RESF1: variants seen among roughly 807,000 people sequenced by gnomAD.
The protein encoded by RESF1 is retroelement silencing factor 1.
A neutral mutation model predicts 134.7 loss-of-function variants in RESF1; 65 were observed. The observed-to-expected ratio is 0.48, with a 90% CI of 0.40 to 0.59. RESF1 has a LOEUF of 0.59. Among genes scored for constraint, RESF1 ranks in the 20% least tolerant of loss-of-function variants. The probability of loss-of-function intolerance (pLI) is 0.00; values close to 1 mark genes in which losing one functional copy is unlikely to be tolerated. For missense variants in RESF1, 2,274 were observed against 2,002.7 expected (o/e 1.14, Z -2.59); for synonymous variants, 762 against 702.2 (o/e 1.09, Z -1.35).
Position 31,969,709 on chromosome 12 carries a change from G to A in RESF1, c.-246-480G>A, listed in dbSNP as rs566069093. On this transcript the variant is annotated intron_variant, in intron 2 of 5. Coordinates refer to ENST00000312561, the MANE Select transcript of RESF1 (RefSeq NM_018169.4). Reference sequence around the variant, plus strand: ...TCTGGAGTGCAGTGGCATGATTCCCGCTCACCACTGCCTCAACCCCCTGGG... The same window carrying A: ...TCTGGAGTGCAGTGGCATGATTCCCACTCACCACTGCCTCAACCCCCTGGG... Among the ~76,000 whole-genome samples, 10 of 152,144 alleles carry A rather than the reference G, an allele frequency of 6.6e-5. No individual in the cohort carries two copies. In the East Asian group the frequency reaches 1.5e-3, roughly 24 times the overall value.
chr12:31,972,324 C>A (rs1392059720), intron 3 of RESF1, among the ~76,000 whole-genome samples: 1 of 151,402 alleles, frequency 6.6e-6, no homozygotes, highest in Non-Finnish European at 1.5e-5. Context: ...GGGGCAGTCT[C>A]GGCTGGGCGC....
chr12:31,977,136 T>C (rs914565790), intron 3 of RESF1, among the ~76,000 whole-genome samples: 3 of 152,198 alleles, frequency 2.0e-5, no homozygotes, highest in Non-Finnish European at 4.4e-5. Context: ...TATTGTTCAT[T>C]GTGCCCTGTT....
chr12:31,975,146 C>T (rs770950495), intron 3 of RESF1, among the ~76,000 whole-genome samples: 112 of 151,976 alleles, frequency 7.4e-4, no homozygotes, highest in Admixed American at 1.2e-3. Context: ...TGGTGGCGCG[C>T]GCCTGTAGTC....
chr12:31,984,042 C>A lies in RESF1; in HGVS notation c.3087C>A (p.Ser1029Arg). Residue 1029 changes from serine to arginine, a missense_variant, in exon 4 of 6, where the codon AGC becomes AGA. Transcript: ENST00000312561. The stretch of plus-strand genomic sequence containing the variant: ...ACCCTCAGGAAATAGATGCATCCAG[C>A]AACTATACTCCCCAAGATCCTGCAA... ...DIYPQEIDAS[S>R]NYTPQDPARN... The A allele has an allele frequency of 6.2e-7, 1 of 1,614,084 alleles. No homozygotes were observed. The highest frequency in any genetic ancestry group is 8.5e-7 in the Non-Finnish European group (1 of 1,180,004).
At position 31,985,709 on chromosome 12, in the gene RESF1, T is replaced by C. The variant is rs1356742157; in HGVS notation, c.4754T>C (p.Val1585Ala). The C allele has an allele frequency of 1.9e-6, 3 of 1,606,416 alleles. No homozygotes were observed. Among genetic ancestry groups the C allele is most frequent in the South Asian group, 1.1e-5 (1 of 89,078 alleles). Residue 1585 changes from valine to alanine, a missense_variant, in exon 4 of 6, where the codon GTT (valine) becomes GCT (alanine). Transcript: ENST00000312561. ...KDQKKLYLNR[V>A]GFKCTERESI... is the part of the protein sequence containing the mutation. Reference sequence around the variant, plus strand: ...CAAAAGAAATTATATCTGAATAGAGTTGGGTTTAAATGCACTGAACGTGAA... The same window carrying C: ...CAAAAGAAATTATATCTGAATAGAGCTGGGTTTAAATGCACTGAACGTGAA...
At position 31,982,022 on chromosome 12, in the gene RESF1, C is replaced by A; in HGVS notation, c.1067C>A (p.Ser356Tyr). Reference protein sequence around the residue: ...SKQPFNSPIRSSVDGVQTLAQ... With the variant: ...SKQPFNSPIRYSVDGVQTLAQ... ...CAGCCTTTTAACAGTCCCATTAGAT[C>A]TTCTGTGGATGGTGTTCAGACTCTT... The change falls in exon 4 of 6, where the codon TCT becomes TAT. Residue 356 changes from serine to tyrosine, a missense_variant. Transcript: ENST00000312561. The A allele has an allele frequency of 6.2e-7, 1 of 1,613,972 alleles. No homozygotes were observed. Among genetic ancestry groups the A allele is most frequent in the South Asian group, 1.1e-5 (1 of 91,068 alleles).
At chr12:31,987,439 T>TC (rs1555112742) in intron 5 of RESF1, 117 bp downstream of exon 5, 1 of 602,998 alleles carries the variant, frequency 1.7e-6, no homozygotes, top group Non-Finnish European at 2.9e-6. Flanking sequence ...TTTTTTTTTT[T>TC]CAGTCATTCA....
intron 3 of RESF1, among the ~76,000 whole-genome samples, chr12:31,978,921 A>ATTTT (rs368667477): frequency 7.7e-6 from 1 of 129,074 alleles, no homozygotes. Context: ...TGATCTCATG[A>ATTTT]TTTTTTTTTT....
chr12:31,966,031 T>C (rs1939391437), intron 2 of RESF1, among the ~76,000 whole-genome samples: 1 of 152,210 alleles, frequency 6.6e-6, no homozygotes, highest in Non-Finnish European at 1.5e-5. Flanking sequence ...TTTTCAGATA[T>C]TTAAGATCAC....
At chr12:31,979,102 A>C (rs1017440579) in intron 3 of RESF1, among the ~76,000 whole-genome samples, 1 of 150,830 alleles carries the variant, frequency 6.6e-6, no homozygotes, top group South Asian at 2.1e-4. Flanking sequence ...TTGTATTTTT[A>C]GTAGAGACGG....
chr12:31,984,101 T>C lies in RESF1; in HGVS notation c.3146T>C (p.Leu1049Ser). Reference sequence around the variant, plus strand: ...ATCCACAGTGATAAGGCACCTGTCTTATACCTACATGACCAGCTGTCAGAA... The same window carrying C: ...ATCCACAGTGATAAGGCACCTGTCTCATACCTACATGACCAGCTGTCAGAA... ...NEIHSDKAPVLYLHDQLSELL... is the reference protein window; with the variant it reads ...NEIHSDKAPVSYLHDQLSELL... The change falls in exon 4 of 6, where the codon TTA becomes TCA. Residue 1049 changes from leucine to serine, a missense_variant. By Grantham distance (145) the Leu-to-Ser change is moderately radical. Transcript: ENST00000312561. The C allele has an allele frequency of 2.5e-6, 4 of 1,613,906 alleles. No individual in the cohort carries two copies. Among genetic ancestry groups the C allele is most frequent in the Non-Finnish European group, 3.4e-6 (4 of 1,179,974 alleles).
Position 31,981,467 on chromosome 12 carries a change from C to A in RESF1, c.512C>A (p.Ser171Tyr), listed in dbSNP as rs146432189. 17 of 1,614,130 alleles carry A rather than the reference C, an allele frequency of 1.1e-5. No individual in the cohort carries two copies. Among genetic ancestry groups the A allele is most frequent in the Admixed American group, 1.7e-5 (1 of 60,020 alleles). Reference sequence around the variant, plus strand: ...TCTATGCAAATGCAGATGATCCCTTCTAATTCTACACGACTTCCTGTAGCT... The same window carrying A: ...TCTATGCAAATGCAGATGATCCCTTATAATTCTACACGACTTCCTGTAGCT... ...TYSMQMQMIP[S>Y]NSTRLPVAYQ... The change falls in exon 4 of 6, where the codon TCT (serine) becomes TAT (tyrosine). Residue 171 changes from serine to tyrosine, a missense_variant. By Grantham distance (144) the Ser-to-Tyr change is moderately radical. Coordinates refer to ENST00000312561, the MANE Select transcript of RESF1 (RefSeq NM_018169.4).
chr12:31,962,810 G>A (rs1939307881), intron 2 of RESF1, among the ~76,000 whole-genome samples: 2 of 152,188 alleles, frequency 1.3e-5, no homozygotes, highest in Non-Finnish European at 2.9e-5. Flanking sequence ...AAAGTTCATG[G>A]ATCAGGGTCG....
chr12:31,982,614 A>G lies in RESF1; in HGVS notation c.1659A>G (p.Gln553=). ...LSSENVTKVE[Q]NSPAVCETIS... is the part of the protein sequence containing the mutation. ...CAGAAAATGTTACCAAAGTTGAGCA[A>G]AATTCACCAGCAGTTTGTGAAACAA... is the stretch of plus-strand genomic sequence containing the variant. The change falls in exon 4 of 6, where the codon CAA becomes CAG. Residue 553 remains glutamine, a synonymous_variant. Transcript: ENST00000312561. The G allele has an allele frequency of 1.2e-6, 2 of 1,614,044 alleles. No homozygotes were observed. The highest frequency in any genetic ancestry group is 1.7e-6 in the Non-Finnish European group (2 of 1,180,022).
intron 5 of RESF1, among the ~76,000 whole-genome samples, chr12:31,990,340 A>G (rs1940069548): frequency 6.6e-6 from 1 of 152,254 alleles, no homozygotes; most frequent in Admixed American, 6.5e-5. Flanking sequence ...GAGACAAGTC[A>G]TACAGCTTTG....
intron 3 of RESF1, among the ~76,000 whole-genome samples, chr12:31,977,801 C>CTTTTTTTTTTTTTT (rs3075963): frequency 1.2e-4 from 15 of 124,354 alleles, no homozygotes; most frequent in Non-Finnish European, 2.2e-4. Flanking sequence ...TTCTTTCTTT[C>CTTTTTTTTTTTTTT]TTTTTTTTTT....
chr12:31,984,108 A>G lies in RESF1; in HGVS notation c.3153A>G (p.Leu1051=). The change falls in exon 4 of 6, where the codon CTA becomes CTG. Residue 1051 remains leucine, a synonymous_variant. Coordinates refer to ENST00000312561, the MANE Select transcript of RESF1 (RefSeq NM_018169.4). ...GTGATAAGGCACCTGTCTTATACCT[A>G]CATGACCAGCTGTCAGAACTTCTAA... ...IHSDKAPVLY[L]HDQLSELLKE... is the part of the protein sequence containing the mutation. The G allele has an allele frequency of 6.2e-6, 10 of 1,613,598 alleles. No homozygotes were observed. The highest frequency in any genetic ancestry group is 8.5e-6 in the Non-Finnish European group (10 of 1,179,886).
rs1313353699 is a variant in RESF1, at chr12:31,981,193, A to G, written c.238A>G (p.Asn80Asp). The stretch of plus-strand genomic sequence containing the variant: ...ACAAATTTCTGTTTCTGATATGCAT[A>G]ATGGGACAGTTGTGGCCTCACACAC... ...PQQISVSDMHNGTVVASHTSV... is the reference protein window; with the variant it reads ...PQQISVSDMHDGTVVASHTSV... The change falls in exon 4 of 6, where the codon AAT becomes GAT. Residue 80 changes from asparagine to aspartate, a missense_variant. By Grantham distance (23) the Asn-to-Asp change is conservative. Transcript: ENST00000312561. 1.2e-6 allele frequency: 2 copies of G among 1,614,134 alleles called. No homozygotes were observed. Among genetic ancestry groups the G allele is most frequent in the Non-Finnish European group, 8.5e-7 (1 of 1,180,006 alleles).
intron 3 of RESF1, among the ~76,000 whole-genome samples, chr12:31,977,779 C>T (rs1410101001): frequency 1.3e-5 from 2 of 148,546 alleles, no homozygotes; most frequent in East Asian, 4.0e-4. Flanking sequence ...TGTATTGACT[C>T]TTAATTACTT....
Sources: gnomAD v4.1 joint callset for allele counts (sites outside exome capture counted in the v4.1 genomes callset) on GRCh38, gnomAD v4.1.1 for gene constraint, MANE v1.5 for transcripts, NCBI Gene and HGNC (gene_info 2026-07-23, HGNC 2026-07-21) for gene names.